Variants in MDN1 observed in about 807,000 individuals in gnomAD.
MDN1 encodes midasin AAA ATPase 1, also known as midasin.
MDN1 carries 266 observed loss-of-function variants against 669.2 expected under a neutral mutation model. That is an observed-to-expected ratio of 0.40 (90% confidence interval 0.36 to 0.44). The LOEUF (loss-of-function observed/expected upper bound fraction) is 0.44, where lower values mean the gene tolerates loss of function less well. MDN1 is among the 20% of genes least tolerant of loss of function. The pLI is 1.00. For synonymous variants in MDN1, 2,385 were observed against 2,457.1 expected (o/e 0.97, Z 0.87); for missense variants, 5,940 against 6,754.0 (o/e 0.88, Z 4.22).
At chr6:89,744,972 C>CT (rs1201524054) in intron 29 of MDN1, among the ~76,000 whole-genome samples, 1,505 of 136,156 alleles carry the variant, frequency 0.011, 9 homozygotes, top group Non-Finnish European at 0.017. Context: ...ATCTTAGTTT[C>CT]TTTTTTTTTT....
At chr6:89,717,514 A>C (rs1031010940) in intron 43 of MDN1, among the ~76,000 whole-genome samples, 3 of 152,218 alleles carry the variant, frequency 2.0e-5, no homozygotes, top group African/African-American at 7.2e-5. Context: ...GGTGATTAAA[A>C]GTACATATAT....
Position 89,668,213 on chromosome 6 carries a change from C to G in MDN1, c.13957-62G>C, listed in dbSNP as rs945797097. The G allele has an allele frequency of 1.1e-5, 18 of 1,589,842 alleles. No individual in the cohort carries two copies. The African/African-American group carries it at 2.4e-4, about 21-fold the overall frequency. On this transcript the variant is annotated intron_variant, in intron 83 of 101. Transcript: ENST00000369393. Reference sequence around the variant, plus strand: ...CAAAAGCAATTTTAAAAGGAGATTTCATTCTTGCCACAGGAAAACAATTTA... The same window carrying G: ...CAAAAGCAATTTTAAAAGGAGATTTGATTCTTGCCACAGGAAAACAATTTA...
intron 7 of MDN1, among the ~76,000 whole-genome samples, chr6:89,788,579 T>C (rs998434386): frequency 6.6e-6 from 1 of 152,124 alleles, no homozygotes; most frequent in African/African-American, 2.4e-5. Flanking sequence ...GGCTTAGAGG[T>C]AAGTAATAAA....
chr6:89,779,857 G>A (rs149927926), intron 11 of MDN1, among the ~76,000 whole-genome samples: 4,186 of 152,238 alleles, frequency 0.027, 84 homozygotes, highest in Non-Finnish European at 0.041. Context: ...CTTGAGGTCA[G>A]GAGATCGAGA....
chr6:89,656,404 T>C (rs1401011170), intron 91 of MDN1, among the ~76,000 whole-genome samples: 1 of 151,954 alleles, frequency 6.6e-6, no homozygotes, highest in Non-Finnish European at 1.5e-5. Flanking sequence ...CTATGGACAA[T>C]GAAAAGAGTG....
intron 31 of MDN1, among the ~76,000 whole-genome samples, chr6:89,742,097 T>C (rs1816326278): frequency 6.6e-6 from 1 of 150,854 alleles, no homozygotes; most frequent in South Asian, 2.1e-4. Flanking sequence ...GTAGACTCTG[T>C]CTCAAAAAAC....
At position 89,692,698 on chromosome 6, in the gene MDN1, C is replaced by A. The variant is rs377046259; in HGVS notation, c.10332G>T (p.Ser3444=). ...TLATALLAFP[S]VGPTFPTYYA... ...AGTAAGTCGGGAAGGTGGGGCCCAC[C>A]GATGGGAAAGCCAGCAAGGCTGTGG... Residue 3444 remains serine, a synonymous_variant, in exon 63 of 102, where the codon TCG becomes TCT. Coordinates refer to ENST00000369393, the MANE Select transcript of MDN1 (RefSeq NM_014611.3). 3.7e-6 allele frequency: 6 copies of A among 1,614,056 alleles called. No homozygotes were observed. In the African/African-American group the frequency reaches 6.7e-5, roughly 18 times the overall value.
chr6:89,674,364 A>G lies in MDN1; in HGVS notation c.12987T>C (p.Pro4329=). The change falls in exon 79 of 102, where the codon CCT becomes CCC. Residue 4329 remains proline (P), a synonymous_variant. Transcript: ENST00000369393. ...GHGNVQVLGQ[P]PGPCLEGPEL... ...CTGGTCCTTCCAGGCAGGGGCCAGG[A>G]GGCTGCCCCAGTACCTGGACATTGC... The G allele has an allele frequency of 1.2e-6, 2 of 1,614,214 alleles. No individual in the cohort carries two copies. The highest frequency in any genetic ancestry group is 1.7e-6 in the Non-Finnish European group (2 of 1,180,028).
chr6:89,670,170 A>ATATATATATATATATT (rs1444537561), intron 83 of MDN1, among the ~76,000 whole-genome samples: 1 of 23,406 alleles, frequency 4.3e-5, no homozygotes, highest in Non-Finnish European at 6.1e-5. Flanking sequence ...ATATATATAT[A>ATATATATATATATATT]TTTTTTTTTT....
chr6:89,680,739 C>T lies in MDN1; in HGVS notation c.12115G>A (p.Glu4039Lys), dbSNP rs1350797416. The change falls in exon 74 of 102, where the codon GAG (glutamate) becomes AAG (lysine). Residue 4039 changes from glutamate (E) to lysine (K), a missense_variant. Transcript: ENST00000369393. ...GAAGGAGCAGCGCCCTGACACCACT[C>T]TGGAATTGTGGCCTGTGAGACAAAA... is the stretch of plus-strand genomic sequence containing the variant. ...QPAAGQATIP[E>K]WCQGAAPSGL... The T allele has an allele frequency of 6.2e-7, 1 of 1,613,828 alleles. No individual in the cohort carries two copies. Among genetic ancestry groups the T allele is most frequent in the Non-Finnish European group, 8.5e-7 (1 of 1,179,926 alleles).
At chr6:89,649,353 A>G (rs936454355) in intron 97 of MDN1, among the ~76,000 whole-genome samples, 3 of 152,206 alleles carry the variant, frequency 2.0e-5, no homozygotes, top group African/African-American at 7.2e-5. Context: ...AGTTGCCCAA[A>G]GTCATGTGTT....
chr6:89,792,242 G>T (rs184650994), intron 5 of MDN1, among the ~76,000 whole-genome samples: 1 of 152,136 alleles, frequency 6.6e-6, no homozygotes, highest in Non-Finnish European at 1.5e-5. Flanking sequence ...CCTTAAAGGG[G>T]TAGTAAGTTC....
chr6:89,788,051 A>G (rs1403928783), intron 7 of MDN1, 94 bp from the exon 8 acceptor site: 4 of 1,094,808 alleles, frequency 3.7e-6, no homozygotes, highest in Non-Finnish European at 5.3e-6. Flanking sequence ...TGACAGACAC[A>G]CCCTTAAAGG....
At chr6:89,779,837 G>A (rs1371353111) in intron 11 of MDN1, among the ~76,000 whole-genome samples, 5 of 152,108 alleles carry the variant, frequency 3.3e-5, no homozygotes, top group African/African-American at 1.2e-4. Flanking sequence ...AGGCCGACGT[G>A]GGTGGATCAC....
chr6:89,744,622 C>T (rs1044569316), intron 29 of MDN1, among the ~76,000 whole-genome samples: 1 of 152,004 alleles, frequency 6.6e-6, no homozygotes, highest in African/African-American at 2.4e-5. Flanking sequence ...AGGCTGGTCT[C>T]GAACTCCTGA....
intron 15 of MDN1, among the ~76,000 whole-genome samples, chr6:89,767,421 AT>A (rs1817853203): frequency 6.6e-6 from 1 of 152,180 alleles, no homozygotes; most frequent in Non-Finnish European, 1.5e-5. Context: ...TAAGGCCCTT[AT>A]TTTTATAAAG....
At chr6:89,750,637 C>A (rs1816888764) in intron 23 of MDN1, 105 bp from the exon 24 acceptor site, 1 of 1,148,040 alleles carries the variant, frequency 8.7e-7, no homozygotes, top group Non-Finnish European at 1.3e-6. Flanking sequence ...GGGTTTCACT[C>A]TGTTGCCCAG....
At chr6:89,786,803 T>A (rs1455195613) in intron 8 of MDN1, among the ~76,000 whole-genome samples, 1 of 151,136 alleles carries the variant, frequency 6.6e-6, no homozygotes, top group Admixed American at 6.6e-5. Flanking sequence ...CAGGTGCCTG[T>A]AATCCCAGCT....
intron 40 of MDN1, among the ~76,000 whole-genome samples, chr6:89,719,661 G>A (rs1338712499): frequency 6.6e-6 from 1 of 152,140 alleles, no homozygotes; most frequent in African/African-American, 2.4e-5. Context: ...TAAGTACTTT[G>A]GTAGATTATT....
Sources: allele counts gnomAD v4.1 joint callset (sites outside exome capture counted in the v4.1 genomes callset), GRCh38; gene constraint gnomAD v4.1.1; transcripts MANE v1.5; gene names NCBI Gene and HGNC (gene_info 2026-07-23, HGNC 2026-07-21).